Variants in ABLIM1 observed in about 807,000 individuals in gnomAD.
The protein encoded by ABLIM1 is actin-binding LIM protein 1.
ABLIM1 carries 40 observed loss-of-function variants against 107.0 expected under a neutral mutation model. That is an observed-to-expected ratio of 0.37 (90% CI 0.29 to 0.49). The LOEUF (loss-of-function observed/expected upper bound fraction) is 0.49. Ranked by LOEUF, ABLIM1 falls within the 20% of genes least tolerant of loss-of-function variation. ABLIM1 has a pLI of 0.97. For missense variants in ABLIM1, 857 were observed against 1,008.5 expected, an observed-to-expected ratio of 0.85 and a Z score of 2.04; for synonymous variants, 357 against 357.3, an observed-to-expected ratio of 1.00 and a Z score of 0.01.
intron 4 of ABLIM1, among the ~76,000 whole-genome samples, chr10:114,555,871 C>A (rs955456908): frequency 2.6e-5 from 4 of 151,720 alleles, no homozygotes; most frequent in East Asian, 1.9e-4. Context: ...AAACAAAAAA[C>A]CATATTTGTC....
chr10:114,485,317 C>T, intron 8 of ABLIM1: 1 of 1,612,998 alleles, frequency 6.2e-7, no homozygotes, highest in East Asian at 2.2e-5. Flanking sequence ...GGAGACCGTC[C>T]TGTGCGTCGA....
intron 1 of ABLIM1, among the ~76,000 whole-genome samples, chr10:114,694,453 G>A (rs2081153827): frequency 6.6e-6 from 1 of 152,068 alleles, no homozygotes; most frequent in South Asian, 2.1e-4. Flanking sequence ...CTATCCCTGG[G>A]GATTCTCATT....
At position 114,479,291 on chromosome 10, in the gene ABLIM1, C is replaced by T. The variant is rs531208430; in HGVS notation, c.1042-5335G>A. On this transcript the variant is annotated intron_variant, in intron 8 of 22. Coordinates refer to ENST00000533213, the MANE Select transcript of ABLIM1 (RefSeq NM_002313.7). ...CTCAGGCAGTTAATCTCAAATAATG[C>T]CTCTGTTTTGCTCTTCATGAATATT... Among the ~76,000 whole-genome samples the T allele has an allele frequency of 1.7e-4, 26 of 152,312 alleles. No homozygotes were observed. In the South Asian group the frequency reaches 2.1e-3, roughly 12 times the overall value.
intron 1 of ABLIM1, among the ~76,000 whole-genome samples, chr10:114,674,337 T>C (rs764018734): frequency 3.9e-5 from 6 of 152,052 alleles, no homozygotes; most frequent in Admixed American, 6.6e-5. Flanking sequence ...AGAGACCTTT[T>C]GTACACACCT....
intron 12 of ABLIM1, among the ~76,000 whole-genome samples, chr10:114,458,412 C>T (rs1231620737): frequency 6.6e-6 from 1 of 152,084 alleles, no homozygotes; most frequent in East Asian, 1.9e-4. Flanking sequence ...CTTTTTGGCA[C>T]CATGAGAGCC....
intron 1 of ABLIM1, chr10:114,690,423 G>C: frequency 3.7e-6 from 6 of 1,604,084 alleles, no homozygotes; most frequent in Non-Finnish European, 5.1e-6. Flanking sequence ...CTTGCCACCA[G>C]TGCCATTATG....
At chr10:114,766,541 G>A (rs940756146) in intron 1 of ABLIM1, among the ~76,000 whole-genome samples, 8 of 152,286 alleles carry the variant, frequency 5.3e-5, no homozygotes, top group Admixed American at 4.6e-4. Context: ...GAGACTAAAT[G>A]AAATTGTGTG....
chr10:114,793,983 G>A, the ABLIM1 span, among the ~76,000 whole-genome samples: 5 of 152,118 alleles, frequency 3.3e-5, no homozygotes, highest in South Asian at 6.2e-4. Flanking sequence ...GTCTCTTCAC[G>A]CAGCAGCCAG....
chr10:114,488,578 G>A (rs1392937652), intron 7 of ABLIM1, among the ~76,000 whole-genome samples: 2 of 152,136 alleles, frequency 1.3e-5, no homozygotes, highest in Admixed American at 6.5e-5. Context: ...TCCAAAAATT[G>A]CCTTTGGCCT....
chr10:114,720,177 T>A (rs578075878), intron 1 of ABLIM1, among the ~76,000 whole-genome samples: 6 of 152,312 alleles, frequency 3.9e-5, no homozygotes, highest in Admixed American at 1.3e-4. Flanking sequence ...TCCAGCTCTA[T>A]CCATGTCCCT....
chr10:114,508,495 T>C (rs1448710255), intron 6 of ABLIM1, among the ~76,000 whole-genome samples: 1 of 152,202 alleles, frequency 6.6e-6, no homozygotes. Flanking sequence ...GGCCAGGAGC[T>C]GGACACCAGC....
intron 5 of ABLIM1, 143 bp from the exon 6 acceptor site, chr10:114,545,241 G>A: frequency 1.4e-6 from 1 of 737,388 alleles, no homozygotes; most frequent in Non-Finnish European, 2.4e-6. Flanking sequence ...TGGCAATCCA[G>A]TCAGACCTGG....
At chr10:114,598,413 C>T (rs1363658848) in intron 2 of ABLIM1, among the ~76,000 whole-genome samples, 15 of 151,726 alleles carry the variant, frequency 9.9e-5, no homozygotes, top group Admixed American at 6.6e-4. Context: ...GATGAAAACT[C>T]GTCTCTACTT....
chr10:114,698,978 G>A (rs906988415), intron 1 of ABLIM1, among the ~76,000 whole-genome samples: 1 of 151,986 alleles, frequency 6.6e-6, no homozygotes, highest in African/African-American at 2.4e-5. Flanking sequence ...CTAGAAGCCA[G>A]TGAGTCCAAA....
chr10:114,602,070 C>T (rs544378063), intron 1 of ABLIM1, 109 bp from the exon 2 acceptor site: 18 of 1,418,950 alleles, frequency 1.3e-5, no homozygotes, highest in South Asian at 2.6e-5. Context: ...GAGATTGATT[C>T]GACAGTGTGA....
At chr10:114,491,166 T>C (rs1283106044) in intron 7 of ABLIM1, among the ~76,000 whole-genome samples, 1 of 151,710 alleles carries the variant, frequency 6.6e-6, no homozygotes, top group Non-Finnish European at 1.5e-5. Flanking sequence ...TGGTAAAAAG[T>C]ACCTCTTTGA....
intron 6 of ABLIM1, among the ~76,000 whole-genome samples, chr10:114,527,236 T>C (rs2064911136): frequency 6.6e-6 from 1 of 152,144 alleles, no homozygotes; most frequent in South Asian, 2.1e-4. Flanking sequence ...GCTTTTGAGG[T>C]ACATGTAAGG....
At chr10:114,613,875 C>T (rs989006480) in intron 1 of ABLIM1, 3 of 209,210 alleles carry the variant, frequency 1.4e-5, no homozygotes, top group African/African-American at 7.1e-5. Context: ...CAAGAAAATG[C>T]AAACACATAT....
At chr10:114,744,975 G>T (rs1213171605) in intron 1 of ABLIM1, among the ~76,000 whole-genome samples, 1 of 152,026 alleles carries the variant, frequency 6.6e-6, no homozygotes, top group Non-Finnish European at 1.5e-5. Flanking sequence ...TCCAAAACCT[G>T]TTCTCTCAAT....
Sources: gnomAD v4.1 joint callset for allele counts (sites outside exome capture counted in the v4.1 genomes callset) on GRCh38, gnomAD v4.1.1 for gene constraint, MANE v1.5 for transcripts, NCBI Gene and HGNC (gene_info 2026-07-23, HGNC 2026-07-21) for gene names.